FRAT1: variants seen among roughly 807,000 people sequenced by gnomAD.
FRAT1 encodes the protein proto-oncogene FRAT1.
FRAT1 carries 9 observed loss-of-function variants against 16.9 expected under a neutral mutation model. The ratio of observed to expected loss-of-function variants is 0.53; its 90% CI spans 0.32 to 0.93. The LOEUF (loss-of-function observed/expected upper bound fraction) is 0.93. FRAT1 is among the 40% of genes least tolerant of loss of function. The probability of loss-of-function intolerance (pLI) is 0.04; values close to 1 mark genes in which losing one functional copy is unlikely to be tolerated. For missense variants in FRAT1, 354 were observed against 402.8 expected (o/e 0.88, Z 1.04); for synonymous variants, 191 against 202.1 (o/e 0.95, Z 0.46).
Position 97,319,432 on chromosome 10 carries a change from C to T in FRAT1, c.-22C>T. On this transcript the variant is annotated 5_prime_UTR_variant, in exon 1 of 1. Transcript: ENST00000371021. ...AGCCCCCAGCGACGCCCGCACAGCT[C>T]CGGGTGCCCAGACAGGGGGCCATGC... 7.2e-7 allele frequency: 1 copy of T among 1,387,362 alleles called. No homozygotes were observed. Among genetic ancestry groups the T allele is most frequent in the Non-Finnish European group, 9.4e-7 (1 of 1,067,306 alleles). 85.9% of individuals were successfully genotyped at this position (1,387,362 alleles called of 1,614,324 possible).
In FRAT1 at chr10:97,320,509, G is replaced by C; in HGVS notation, c.*216G>C. ...AAGGACTTTGGCCCTATTTAAGGCA[G>C]ATTTTACAGAGCGCACCTCAAACGT... On this transcript the variant is annotated 3_prime_UTR_variant, in exon 1 of 1. Transcript: ENST00000371021. 1.8e-6 allele frequency: 1 copy of C among 564,828 alleles called. No individual in the cohort carries two copies. Among genetic ancestry groups the C allele is most frequent in the Non-Finnish European group, 3.1e-6 (1 of 317,992 alleles). The allele number at this position is 564,828 out of a possible 1,614,324, so 35.0% of individuals were successfully genotyped here.
chr10:97,320,788 TA>T lies in FRAT1; in HGVS notation c.*502del. ...AGGGTGCAGCCCAATCTGCCAGACT[TA>T]AAAAAACCATCTTGTGTCTTTGGAG... On this transcript the variant is annotated 3_prime_UTR_variant, in exon 1 of 1. Coordinates refer to ENST00000371021, the MANE Select transcript of FRAT1 (RefSeq NM_005479.4). The T allele has an allele frequency of 5.9e-6, 1 of 170,696 alleles. No homozygotes were observed. Among genetic ancestry groups the T allele is most frequent in the Non-Finnish European group, 1.4e-5 (1 of 70,842 alleles). 10.6% of individuals were successfully genotyped at this position (170,696 alleles called of 1,614,324 possible).
rs1470854190 is a variant in FRAT1 at position 97,321,739 on chromosome 10, C to T, written c.*1446C>T. 1 of 167,096 alleles carries T rather than the reference C, an allele frequency of 6.0e-6. No homozygotes were observed. The highest frequency in any genetic ancestry group is 1.5e-5 in the Non-Finnish European group (1 of 68,124). The allele number at this position is 167,096 out of a possible 1,614,324, so 10.4% of individuals were successfully genotyped here. On this transcript the variant is annotated 3_prime_UTR_variant, in exon 1 of 1. Transcript: ENST00000371021. ...CTACTGACATATCTACACTTCGCAC[C>T]GGAGTGTCTGGAATTGTGGCTATCC...
Position 97,319,906 on chromosome 10 carries a change from G to A in FRAT1, c.453G>A (p.Gly151=). Residue 151 remains glycine (G), a synonymous_variant, in exon 1 of 1, where the codon GGG becomes GGA. Coordinates refer to ENST00000371021, the MANE Select transcript of FRAT1 (RefSeq NM_005479.4). ...SPLPPQADLD[G]PPGAGKQGIP... is the part of the protein sequence containing the mutation. ...TGCCCCCTCAGGCCGACCTTGATGG[G>A]CCTCCGGGAGCTGGCAAGCAGGGCA... 1 of 1,530,924 alleles carries A rather than the reference G, an allele frequency of 6.5e-7. No individual in the cohort carries two copies. The highest frequency in any genetic ancestry group is 8.7e-7 in the Non-Finnish European group (1 of 1,144,908). The allele number at this position is 1,530,924 out of a possible 1,614,324, so 94.8% of individuals were successfully genotyped here. A position where few individuals can be genotyped will look rare whatever the true frequency, so the allele number is the denominator to read the frequency against.
Position 97,319,684 on chromosome 10 carries a change from G to A in FRAT1, c.231G>A (p.Leu77=). Residue 77 remains leucine, a synonymous_variant, in exon 1 of 1, where the codon CTG becomes CTA. Coordinates refer to ENST00000371021, the MANE Select transcript of FRAT1 (RefSeq NM_005479.4). ...PGAPLRAPGP[L]AAAVPADKAR... is the part of the protein sequence containing the mutation. Reference sequence around the variant, plus strand: ...CGCCGCTGCGGGCCCCGGGGCCCCTGGCTGCGGCGGTGCCGGCGGACAAGG... The same window carrying A: ...CGCCGCTGCGGGCCCCGGGGCCCCTAGCTGCGGCGGTGCCGGCGGACAAGG... 1 of 1,174,364 alleles carries A rather than the reference G, an allele frequency of 8.5e-7. No homozygotes were observed. The allele number at this position is 1,174,364 out of a possible 1,614,324, so 72.7% of individuals were successfully genotyped here.
rs1244026162 is a variant in FRAT1 at position 97,320,313 on chromosome 10, G to A, written c.*20G>A. 1.3e-6 allele frequency: 2 copies of A among 1,539,026 alleles called. No individual in the cohort carries two copies. The highest frequency in any genetic ancestry group is 2.0e-5 in the Admixed American group (1 of 50,420). On this transcript the variant is annotated 3_prime_UTR_variant, in exon 1 of 1. Coordinates refer to ENST00000371021, the MANE Select transcript of FRAT1 (RefSeq NM_005479.4). Reference sequence around the variant, plus strand: ...AGCTAACACGCCCGGGGTGGCCACAGCGCCAGCCTCAGACTGGAGGGCAAG... The same window carrying A: ...AGCTAACACGCCCGGGGTGGCCACAACGCCAGCCTCAGACTGGAGGGCAAG...
rs917766939 is a variant in FRAT1, at chr10:97,321,658, A to G, written c.*1365A>G. 4 of 167,098 alleles carry G rather than the reference A, an allele frequency of 2.4e-5. No individual in the cohort carries two copies. Among genetic ancestry groups the G allele is most frequent in the African/African-American group, 9.7e-5 (4 of 41,436 alleles). The allele number at this position is 167,098 out of a possible 1,614,324, so 10.4% of individuals were successfully genotyped here. A position where few individuals can be genotyped will look rare whatever the true frequency, so the allele number is the denominator to read the frequency against. ...GTTCACTCACTCTAAAGGCGCTGAG[A>G]CTGTGCTGTTGTTCTCGTTTTTATA... On this transcript the variant is annotated 3_prime_UTR_variant, in exon 1 of 1. Coordinates refer to ENST00000371021, the MANE Select transcript of FRAT1 (RefSeq NM_005479.4).
chr10:97,320,285 G>C lies in FRAT1; in HGVS notation c.832G>C (p.Gly278Arg), dbSNP rs368526752. ...AACTGGCGACGGCGTTCTTGTGCCTGGCAGCTAACACGCCCGGGGTGGCCA... is the reference window on the plus strand; with the variant it reads ...AACTGGCGACGGCGTTCTTGTGCCTCGCAGCTAACACGCCCGGGGTGGCCA... ...LRTGDGVLVP[G>R]S The change falls in exon 1 of 1, where the codon GGC becomes CGC. Residue 278 changes from glycine to arginine, a missense_variant. Physicochemically the swap from Gly to Arg is moderately radical, Grantham distance 125 (BLOSUM62 -2). Coordinates refer to ENST00000371021, the MANE Select transcript of FRAT1 (RefSeq NM_005479.4). 99 of 1,576,170 alleles carry C rather than the reference G, an allele frequency of 6.3e-5. No homozygotes were observed. The highest frequency in any genetic ancestry group is 2.7e-4 in the African/African-American group (20 of 73,822).
Position 97,319,706 on chromosome 10 carries a change from A to C in FRAT1, c.253A>C (p.Lys85Gln), listed in dbSNP as rs1843440751. 1.2e-5 allele frequency: 14 copies of C among 1,177,526 alleles called. No homozygotes were observed. Among genetic ancestry groups the C allele is most frequent in the Non-Finnish European group, 1.4e-5 (13 of 954,498 alleles). 72.9% of individuals were successfully genotyped at this position (1,177,526 alleles called of 1,614,324 possible). Residue 85 changes from lysine (K) to glutamine (Q), a missense_variant, in exon 1 of 1, where the codon AAG (lysine) becomes CAG (glutamine). Physicochemically the swap from Lys to Gln is moderately conservative, Grantham distance 53 (BLOSUM62 1). Coordinates refer to ENST00000371021, the MANE Select transcript of FRAT1 (RefSeq NM_005479.4). ...GPLAAAVPAD[K>Q]ARSPAVPLLL... The stretch of plus-strand genomic sequence containing the variant: ...CCTGGCTGCGGCGGTGCCGGCGGAC[A>C]AGGCCAGGTCCCCGGCGGTGCCGCT...
Position 97,320,130 on chromosome 10 carries a change from A to G in FRAT1, c.677A>G (p.Gln226Arg), listed in dbSNP as rs1198412840. Residue 226 changes from glutamine (Q) to arginine (R), a missense_variant, in exon 1 of 1, where the codon CAG becomes CGG. Coordinates refer to ENST00000371021, the MANE Select transcript of FRAT1 (RefSeq NM_005479.4). ...AVRRLHSRRL[Q>R]LRAKLPQRPL... is the part of the protein sequence containing the mutation. ...CGAAGGCTTCATTCGCGACGGCTGC[A>G]GTTACGTGCAAAGCTTCCCCAACGC... is the stretch of plus-strand genomic sequence containing the variant. 4 of 1,612,134 alleles carry G rather than the reference A, an allele frequency of 2.5e-6. No homozygotes were observed. In the South Asian group the frequency reaches 3.3e-5, roughly 13 times the overall value.
rs1843458800 is a variant in FRAT1, at chr10:97,321,205, AGCGCGGACGT to A, written c.*915_*924del. 6.0e-6 allele frequency: 1 copy of A among 166,104 alleles called. No homozygotes were observed. The highest frequency in any genetic ancestry group is 1.5e-5 in the Non-Finnish European group (1 of 68,128). 10.3% of individuals were successfully genotyped at this position (166,104 alleles called of 1,614,324 possible). A position where few individuals can be genotyped will look rare whatever the true frequency, so the allele number is the denominator to read the frequency against. ...GTCGCCGCCACCGCGGGTGTGGGAA[AGCGCGGACGT>A]GCTGGGCGGCTGTGCTTCGGTAGGC... On this transcript the variant is annotated 3_prime_UTR_variant, in exon 1 of 1. Transcript: ENST00000371021.
In FRAT1 at chr10:97,319,681, C is replaced by T; in HGVS notation, c.228C>T (p.Pro76=). Residue 76 remains proline (P), a synonymous_variant, in exon 1 of 1, where the codon CCC becomes CCT. Transcript: ENST00000371021. ...PPGAPLRAPG[P]LAAAVPADKA... is the part of the protein sequence containing the mutation. ...GGGCGCCGCTGCGGGCCCCGGGGCC[C>T]CTGGCTGCGGCGGTGCCGGCGGACA... 2 of 1,177,240 alleles carry T rather than the reference C, an allele frequency of 1.7e-6. No homozygotes were observed. The highest frequency in any genetic ancestry group is 1.0e-6 in the Non-Finnish European group (1 of 954,306). The allele number at this position is 1,177,240 out of a possible 1,614,324, so 72.9% of individuals were successfully genotyped here.
rs1230120849 is a variant in FRAT1 at position 97,319,974 on chromosome 10, G to A, written c.521G>A (p.Arg174Gln). 3 of 1,543,414 alleles carry A rather than the reference G, an allele frequency of 1.9e-6. No individual in the cohort carries two copies. Among genetic ancestry groups the A allele is most frequent in the African/African-American group, 1.4e-5 (1 of 72,912 alleles). ...LSGPCRRGWL[R>Q]GAAASRRLQQ... ...GGTCCGTGCCGGCGAGGATGGCTCC[G>A]GGGCGCCGCCGCCTCCCGCCGCCTG... is the stretch of plus-strand genomic sequence containing the variant. The change falls in exon 1 of 1, where the codon CGG becomes CAG. Residue 174 changes from arginine to glutamine, a missense_variant. Physicochemically the swap from Arg to Gln is conservative, Grantham distance 43. Around this residue, in one of 3 missense-constraint regions of FRAT1, gnomAD observed 286 missense variants for 311.0 expected, o/e 0.92. Coordinates refer to ENST00000371021, the MANE Select transcript of FRAT1 (RefSeq NM_005479.4).
rs1321556431 is a variant in FRAT1 at position 97,321,171 on chromosome 10, GAC to G, written c.*881_*882del. 1.8e-5 allele frequency: 3 copies of G among 166,854 alleles called. No homozygotes were observed. Among genetic ancestry groups the G allele is most frequent in the African/African-American group, 4.8e-5 (2 of 41,470 alleles). 10.3% of individuals were successfully genotyped at this position (166,854 alleles called of 1,614,324 possible). A position where few individuals can be genotyped will look rare whatever the true frequency, so the allele number is the denominator to read the frequency against. ...TTTGCAAGTGCTGGAGTCTCCTGAG[GAC>G]ACGCGCGTCGCCGCCACCGCGGGTG... On this transcript the variant is annotated 3_prime_UTR_variant, in exon 1 of 1. Coordinates refer to ENST00000371021, the MANE Select transcript of FRAT1 (RefSeq NM_005479.4).
Position 97,319,334 on chromosome 10 carries a change from C to T in FRAT1, c.-120C>T. 1 of 1,213,764 alleles carries T rather than the reference C, an allele frequency of 8.2e-7. No individual in the cohort carries two copies. The highest frequency in any genetic ancestry group is 1.6e-5 in the African/African-American group (1 of 63,438). 75.2% of individuals were successfully genotyped at this position (1,213,764 alleles called of 1,614,324 possible). ...GCGGGCTCCGGCTTCCGCGTCCGCC[C>T]CGGCCCCGGTCCAGACTTAGTCTTC... is the stretch of plus-strand genomic sequence containing the variant. On this transcript the variant is annotated 5_prime_UTR_variant, in exon 1 of 1. Transcript: ENST00000371021.
Position 97,319,494 on chromosome 10 carries a change from A to T in FRAT1, c.41A>T (p.Glu14Val), listed in dbSNP as rs1455116046. 7 of 1,474,728 alleles carry T rather than the reference A, an allele frequency of 4.7e-6. No homozygotes were observed. The Admixed American group carries it at 1.6e-4, about 33-fold the overall frequency. The allele number at this position is 1,474,728 out of a possible 1,614,324, so 91.4% of individuals were successfully genotyped here. ...RREEEEEAGE[E>V]AEGEEEEEDS... ...GAGGAGGAAGAGGAAGCCGGCGAGG[A>T]GGCGGAGGGGGAGGAAGAGGAGGAG... Residue 14 changes from glutamate to valine, a missense_variant, in exon 1 of 1, where the codon GAG becomes GTG. Around this residue, in one of 3 missense-constraint regions of FRAT1, gnomAD observed 46 missense variants for 37.7 expected, o/e 1.22. Transcript: ENST00000371021.
Position 97,319,642 on chromosome 10 carries a change from GTGCGGGCCCCCGGGGGCGCCGC to G in FRAT1, c.200_221del (p.Pro67ArgfsTer133), listed in dbSNP as rs1445376294. 1.3e-5 allele frequency: 16 copies of G among 1,244,070 alleles called. No homozygotes were observed. Among genetic ancestry groups the G allele is most frequent in the African/African-American group, 4.7e-5 (3 of 64,226 alleles). 77.1% of individuals were successfully genotyped at this position (1,244,070 alleles called of 1,614,324 possible). On this transcript the variant is annotated frameshift_variant, in exon 1 of 1. Transcript: ENST00000371021. LOFTEE classifies it high-confidence loss of function. The stretch of plus-strand genomic sequence containing the variant: ...CGGCGCAGCACAGCCCGGCCTCGCC[GTGCGGGCCCCCGGGGGCGCCGC>G]TGCGGGCCCCGGGGCCCCTGGCTGC...
Position 97,321,049 on chromosome 10 carries a change from G to A in FRAT1, c.*756G>A. The A allele has an allele frequency of 6.0e-6, 1 of 167,288 alleles. No homozygotes were observed. Among genetic ancestry groups the A allele is most frequent in the Non-Finnish European group, 1.5e-5 (1 of 68,204 alleles). The allele number at this position is 167,288 out of a possible 1,614,324, so 10.4% of individuals were successfully genotyped here. A position where few individuals can be genotyped will look rare whatever the true frequency, so the allele number is the denominator to read the frequency against. ...TAAAGTGTATTTTCAGAGCCGGCCC[G>A]CCTCTCCTCGGTTCAAGGTCACTGT... is the stretch of plus-strand genomic sequence containing the variant. On this transcript the variant is annotated 3_prime_UTR_variant, in exon 1 of 1. Transcript: ENST00000371021.
rs1475438373 is a variant in FRAT1, at chr10:97,320,065, G to C, written c.612G>C (p.Gln204His). Residue 204 changes from glutamine to histidine, a missense_variant, in exon 1 of 1, where the codon CAG (glutamine) becomes CAC (histidine). Physicochemically the swap from Gln to His is conservative, Grantham distance 24. Coordinates refer to ENST00000371021, the MANE Select transcript of FRAT1 (RefSeq NM_005479.4). ...TGDDDPHRLL[Q>H]QLVLSGNLIK... ...ACGACGACCCGCACCGGCTTCTGCA[G>C]CAGCTAGTGCTCTCTGGAAACCTCA... 1 of 1,590,950 alleles carries C rather than the reference G, an allele frequency of 6.3e-7. No individual in the cohort carries two copies. The highest frequency in any genetic ancestry group is 2.3e-5 in the East Asian group (1 of 43,128).
Sources: gnomAD v4.1 joint callset for allele counts on GRCh38, gnomAD v4.1.1 for gene constraint, gnomAD v4.1.1 regional missense constraint, MANE v1.5 for transcripts, NCBI Gene and HGNC (gene_info 2026-07-23, HGNC 2026-07-21) for gene names.